CACNG4: variants seen among roughly 807,000 people sequenced by gnomAD.
The protein encoded by CACNG4 is voltage-dependent calcium channel gamma-4 subunit.
Under a neutral mutation model 22.9 loss-of-function variants are expected in CACNG4, and 8 were observed. The observed-to-expected ratio is 0.35, with a 90% CI of 0.21 to 0.63. The LOEUF (loss-of-function observed/expected upper bound fraction) is 0.63, where lower values mean the gene tolerates loss of function less well. Among genes scored for constraint, CACNG4 ranks in the 30% least tolerant of loss-of-function variants. CACNG4 has a pLI of 0.72. For synonymous variants in CACNG4, 188 were observed against 191.9 expected, an observed-to-expected ratio of 0.98 and a Z score of 0.17; for missense variants, 357 against 455.4, an observed-to-expected ratio of 0.78 and a Z score of 1.97.
At chr17:67,025,456 C>T (rs760478351) in intron 3 of CACNG4, among the ~76,000 whole-genome samples, 143 of 152,320 alleles carry the variant, frequency 9.4e-4, no homozygotes, top group Non-Finnish European at 1.5e-3. Context: ...AGGAGTTGGC[C>T]AGGTAAAGAC....
rs758806124 is a variant in CACNG4 at position 66,964,910 on chromosome 17, C to T, written c.-2C>T. ...CGGGCGGCGGACTATGAGGCGCCCA[C>T]CATGGTGCGATGCGACCGCGGGCTG... On this transcript the variant is annotated 5_prime_UTR_variant, in exon 1 of 4. Transcript: ENST00000262138. The T allele has an allele frequency of 9.6e-5, 148 of 1,544,478 alleles. 1 individual carries two copies. In the South Asian group the frequency reaches 1.4e-3, roughly 15 times the overall value.
At position 67,022,593 on chromosome 17, in the gene CACNG4, C is replaced by T. The variant is rs1055858240; in HGVS notation, c.305-2267C>T. Among the ~76,000 whole-genome samples the T allele has an allele frequency of 4.6e-5, 7 of 152,198 alleles. No individual in the cohort carries two copies. In the East Asian group the frequency reaches 5.8e-4, roughly 13 times the overall value. On this transcript the variant is annotated intron_variant, in intron 2 of 3. Transcript: ENST00000262138. Reference sequence around the variant, plus strand: ...TGTGAAGCAGGGACACACACTGATGCGTTCACAAAAAAGGAGACAAACCCT... The same window carrying T: ...TGTGAAGCAGGGACACACACTGATGTGTTCACAAAAAAGGAGACAAACCCT...
In CACNG4 at chr17:67,027,275, C is replaced by T. The variant is rs9892547; in HGVS notation, c.445+2275C>T. Among the ~76,000 whole-genome samples, 1,298 of 152,336 alleles carry T rather than the reference C, an allele frequency of 8.5e-3. 19 individuals carry two copies. Among genetic ancestry groups the T allele is most frequent in the African/African-American group, 0.028 (1,153 of 41,576 alleles). On this transcript the variant is annotated intron_variant, in intron 3 of 3. Transcript: ENST00000262138. The surrounding 1 kb of genome is among the most constrained non-coding windows in gnomAD (Gnocchi z 4.3). ...CAGGAGGAGCCGTTTCAAAGGCAGG[C>T]CCAGATGCTTGGTGCCACCAGAGGG... is the stretch of plus-strand genomic sequence containing the variant.
chr17:66,978,982 G>C (rs937561073), intron 1 of CACNG4, among the ~76,000 whole-genome samples: 1 of 152,176 alleles, frequency 6.6e-6, no homozygotes, highest in East Asian at 1.9e-4. Flanking sequence ...GTCTCTGGGG[G>C]AGTTCCCTGC....
At chr17:66,997,834 A>T (rs2041403711) in intron 1 of CACNG4, among the ~76,000 whole-genome samples, 1 of 152,024 alleles carries the variant, frequency 6.6e-6, no homozygotes, top group Non-Finnish European at 1.5e-5. Context: ...ACAAACAAAC[A>T]AACAAAAAAC....
At chr17:66,981,240 T>C (rs1567750879) in intron 1 of CACNG4, among the ~76,000 whole-genome samples, 1 of 152,186 alleles carries the variant, frequency 6.6e-6, no homozygotes, top group Non-Finnish European at 1.5e-5. Flanking sequence ...GCTGATCAAG[T>C]CCAGCATCCT....
At chr17:67,002,492 G>T (rs1349636771) in intron 1 of CACNG4, among the ~76,000 whole-genome samples, 1 of 152,174 alleles carries the variant, frequency 6.6e-6, no homozygotes, top group Non-Finnish European at 1.5e-5. Flanking sequence ...AGCCCTGGAG[G>T]TACTCCAGAA....
At chr17:67,018,392 A>G in intron 2 of CACNG4, 120 bp downstream of exon 2, 3 of 709,078 alleles carry the variant, frequency 4.2e-6, no homozygotes, top group Non-Finnish European at 5.0e-6. Flanking sequence ...TGGTCCACTC[A>G]CTGTCTTACT....
rs1025768528 is a variant in CACNG4, at chr17:67,011,562, T to C, written c.221-6627T>C. ...GCTCCGTGAGGGCCAGGACTCCGTC[T>C]TACTCAGACTGGCAGCCCCAGCACT... On this transcript the variant is annotated intron_variant, in intron 1 of 3. Coordinates refer to ENST00000262138, the MANE Select transcript of CACNG4 (RefSeq NM_014405.4). Among the ~76,000 whole-genome samples the C allele has an allele frequency of 3.3e-5, 5 of 152,192 alleles. No homozygotes were observed. The South Asian group carries it at 6.2e-4, about 19-fold the overall frequency.
chr17:67,013,865 T>C (rs2035481573), intron 1 of CACNG4, among the ~76,000 whole-genome samples: 1 of 152,018 alleles, frequency 6.6e-6, no homozygotes, highest in Non-Finnish European at 1.5e-5. Context: ...GATGAAGGGA[T>C]ATACACGTGT....
chr17:67,009,674 A>G (rs1476625010), intron 1 of CACNG4, among the ~76,000 whole-genome samples: 1 of 152,208 alleles, frequency 6.6e-6, no homozygotes, highest in African/African-American at 2.4e-5. Context: ...GCGAAGTCCA[A>G]GATCAAGGCG....
intron 1 of CACNG4, among the ~76,000 whole-genome samples, chr17:67,001,807 C>T (rs2035409680): frequency 6.6e-6 from 1 of 152,192 alleles, no homozygotes; most frequent in Admixed American, 6.5e-5. Context: ...TACATGGTCC[C>T]AACATGGCAA....
chr17:67,022,565 C>T (rs938832300), intron 2 of CACNG4, among the ~76,000 whole-genome samples: 2 of 152,250 alleles, frequency 1.3e-5, no homozygotes, highest in African/African-American at 4.8e-5. Flanking sequence ...ACAATCTCCT[C>T]TCTGTGAAGC....
chr17:67,033,310 C>G lies in CACNG4; in HGVS notation c.*2306C>G, dbSNP rs2035621568. 1 of 151,922 alleles carries G rather than the reference C, an allele frequency of 6.6e-6. No homozygotes were observed. The highest frequency in any genetic ancestry group is 2.4e-5 in the African/African-American group (1 of 41,364). The allele number at this position is 151,922 out of a possible 1,614,324, so 9.4% of individuals were successfully genotyped here. A position where few individuals can be genotyped will look rare whatever the true frequency, so the allele number is the denominator to read the frequency against. On this transcript the variant is annotated 3_prime_UTR_variant, in exon 4 of 4. Coordinates refer to ENST00000262138, the MANE Select transcript of CACNG4 (RefSeq NM_014405.4). ...TCGCCCCCACCCCTGTGTGTTTCGC[C>G]AGTTAAGCACCTGTGACTCCAGTAC...
intron 1 of CACNG4, among the ~76,000 whole-genome samples, chr17:66,972,538 G>A (rs569983187): frequency 2.0e-5 from 3 of 152,342 alleles, no homozygotes; most frequent in Admixed American, 2.0e-4. Flanking sequence ...CTTGAATCTA[G>A]GGGAAGCATC....
intron 1 of CACNG4, among the ~76,000 whole-genome samples, chr17:66,981,578 C>A (rs939560996): frequency 6.6e-6 from 1 of 152,174 alleles, no homozygotes. Flanking sequence ...GTGCTGGGGC[C>A]GAGAGAACCA....
Position 66,964,897 on chromosome 17 carries a change from T to G in CACNG4, c.-15T>G. 7.1e-7 allele frequency: 1 copy of G among 1,417,020 alleles called. No individual in the cohort carries two copies. Among genetic ancestry groups the G allele is most frequent in the Non-Finnish European group, 9.3e-7 (1 of 1,075,030 alleles). The allele number at this position is 1,417,020 out of a possible 1,614,324, so 87.8% of individuals were successfully genotyped here. On this transcript the variant is annotated 5_prime_UTR_variant, in exon 1 of 4. Transcript: ENST00000262138. ...CGGGCCGGGCCGGCGGGCGGCGGAC[T>G]ATGAGGCGCCCACCATGGTGCGATG...
intron 1 of CACNG4, among the ~76,000 whole-genome samples, chr17:66,999,492 AGGAG>A (rs1567754782): frequency 6.6e-6 from 1 of 152,186 alleles, no homozygotes; most frequent in African/African-American, 2.4e-5. Context: ...CACATGGCTG[AGGAG>A]GCCTCAGGAA....
At chr17:66,972,287 A>G (rs1005549169) in intron 1 of CACNG4, among the ~76,000 whole-genome samples, 5 of 152,192 alleles carry the variant, frequency 3.3e-5, no homozygotes, top group Admixed American at 3.3e-4. Context: ...ACCAGGGGTT[A>G]TGGGTTCAGC....
Sources: allele counts gnomAD v4.1 joint callset (sites outside exome capture counted in the v4.1 genomes callset), GRCh38; gene constraint gnomAD v4.1.1; non-coding constraint Gnocchi (gnomAD v3.1); transcripts MANE v1.5; gene names NCBI Gene and HGNC (gene_info 2026-07-23, HGNC 2026-07-21).